Variants in RASD2 observed in about 807,000 individuals in gnomAD.
RASD2 encodes the protein RASD family member 2, also known as GTP-binding protein Rhes.
In RASD2, 7 loss-of-function variants were observed where a neutral mutation model predicts 15.8. The observed-to-expected ratio is 0.44, with a 90% CI of 0.25 to 0.83. The LOEUF is 0.83. RASD2 is among the 40% of genes least tolerant of loss of function. The pLI is 0.20. For synonymous variants in RASD2, 155 were observed against 153.6 expected (o/e 1.01, Z -0.07); for missense variants, 274 against 382.8 (o/e 0.72, Z 2.37).
At chr22:35,546,201 ACC>A (rs924968803) in intron 1 of RASD2, among the ~76,000 whole-genome samples, 1 of 152,020 alleles carries the variant, frequency 6.6e-6, no homozygotes, top group African/African-American at 2.4e-5. Context: ...TGCAGGAGCA[ACC>A]CCAGGCATTG....
At chr22:35,539,708 A>G (rs1280053899), upstream of RASD2, among the ~76,000 whole-genome samples, 1 of 152,198 alleles carries the variant, frequency 6.6e-6, no homozygotes, top group Non-Finnish European at 1.5e-5. Context: ...GGCAAGTGAT[A>G]CTGATTTCCC....
chr22:35,552,165 C>T lies in RASD2; in HGVS notation c.*133C>T. The T allele has an allele frequency of 1.6e-6, 2 of 1,215,146 alleles. No individual in the cohort carries two copies. 75.3% of individuals were successfully genotyped at this position (1,215,146 alleles called of 1,614,324 possible). A position where few individuals can be genotyped will look rare whatever the true frequency, so the allele number is the denominator to read the frequency against. On this transcript the variant is annotated 3_prime_UTR_variant, in exon 3 of 3. Transcript: ENST00000216127. ...ACCTTAGGCACCAGACTGGAGGCCC[C>T]CGGGCGCTGGCCTCCGCACATTCGT...
At chr22:35,538,554 A>G (rs1480672794), upstream of RASD2, among the ~76,000 whole-genome samples, 2 of 152,168 alleles carry the variant, frequency 1.3e-5, no homozygotes. Flanking sequence ...TTGCTTATTG[A>G]CTGAGCCCTA....
At chr22:35,540,236 C>T (rs1934306326), upstream of RASD2, among the ~76,000 whole-genome samples, 1 of 152,092 alleles carries the variant, frequency 6.6e-6, no homozygotes, top group South Asian at 2.1e-4. Flanking sequence ...ATGCGGGTCA[C>T]CTGCGGCCAG....
the RASD2 span, among the ~76,000 whole-genome samples, chr22:35,535,800 A>C: frequency 6.6e-6 from 1 of 151,392 alleles, no homozygotes; most frequent in Admixed American, 6.6e-5. Context: ...TGAGGGTCAG[A>C]GACGTTAAGT....
At chr22:35,535,269 T>A in the RASD2 span, among the ~76,000 whole-genome samples, 1 of 151,952 alleles carries the variant, frequency 6.6e-6, no homozygotes, top group African/African-American at 2.4e-5. Context: ...CCGGGTGTGA[T>A]GGTGCATGCC....
upstream of RASD2, among the ~76,000 whole-genome samples, chr22:35,536,322 G>A (rs941400063): frequency 6.0e-5 from 9 of 150,672 alleles, no homozygotes; most frequent in Non-Finnish European, 1.0e-4. Context: ...GCCACAAACC[G>A]TCTCTTTTTT....
chr22:35,552,134 T>C lies in RASD2; in HGVS notation c.*102T>C, dbSNP rs1934687769. The C allele has an allele frequency of 3.5e-6, 5 of 1,424,976 alleles. No individual in the cohort carries two copies. The South Asian group carries it at 6.9e-5, about 20-fold the overall frequency. 88.3% of individuals were successfully genotyped at this position (1,424,976 alleles called of 1,614,324 possible). On this transcript the variant is annotated 3_prime_UTR_variant, in exon 3 of 3. Transcript: ENST00000216127. ...ACCGAGGCCCCGGCAGCAGTCTTGT[T>C]CACAGACCTTAGGCACCAGACTGGA...
chr22:35,533,625 G>GTGGT, the RASD2 span, among the ~76,000 whole-genome samples: 4 of 4,952 alleles, frequency 8.1e-4, no homozygotes, highest in African/African-American at 4.2e-3. Flanking sequence ...GGTGATGATG[G>GTGGT]GAATGATGGT....
At position 35,553,187 on chromosome 22, in the gene RASD2, C is replaced by T. The variant is rs1210210031; in HGVS notation, c.*1155C>T. 1 of 152,254 alleles carries T rather than the reference C, an allele frequency of 6.6e-6. No individual in the cohort carries two copies. Among genetic ancestry groups the T allele is most frequent in the African/African-American group, 2.4e-5 (1 of 41,394 alleles). 9.4% of individuals were successfully genotyped at this position (152,254 alleles called of 1,614,324 possible). A position where few individuals can be genotyped will look rare whatever the true frequency, so the allele number is the denominator to read the frequency against. ...CTAGGAAACCAAGAGGGTCCCCAGT[C>T]CTGGCCTCTGCCCGCCCCTGCTGCC... On this transcript the variant is annotated 3_prime_UTR_variant, in exon 3 of 3. Coordinates refer to ENST00000216127, the MANE Select transcript of RASD2 (RefSeq NM_014310.4).
chr22:35,548,866 C>A (rs533390244), intron 2 of RASD2, among the ~76,000 whole-genome samples: 24 of 152,254 alleles, frequency 1.6e-4, no homozygotes, highest in Middle Eastern at 3.4e-3. Context: ...TAACCTCATA[C>A]CCCGCAGGGA....
chr22:35,546,403 C>T (rs981845962), intron 1 of RASD2, among the ~76,000 whole-genome samples: 3 of 152,132 alleles, frequency 2.0e-5, no homozygotes, highest in African/African-American at 7.2e-5. Flanking sequence ...ACCATAGATA[C>T]CATTTTTGAG....
rs796481509 is a variant in RASD2 at position 35,552,415 on chromosome 22, C to T, written c.*383C>T. Reference sequence around the variant, plus strand: ...TCAGGATGAAAAGGACACAGAAGGCCAGATGAGAAAGGTCTCCTCTCTCCT... The same window carrying T: ...TCAGGATGAAAAGGACACAGAAGGCTAGATGAGAAAGGTCTCCTCTCTCCT... On this transcript the variant is annotated 3_prime_UTR_variant, in exon 3 of 3. Coordinates refer to ENST00000216127, the MANE Select transcript of RASD2 (RefSeq NM_014310.4). 31 of 206,836 alleles carry T rather than the reference C, an allele frequency of 1.5e-4. No homozygotes were observed. The highest frequency in any genetic ancestry group is 6.9e-4 in the African/African-American group (30 of 43,394). 12.8% of individuals were successfully genotyped at this position (206,836 alleles called of 1,614,324 possible). A position where few individuals can be genotyped will look rare whatever the true frequency, so the allele number is the denominator to read the frequency against.
intron 1 of RASD2, among the ~76,000 whole-genome samples, chr22:35,543,840 C>T (rs1483396047): frequency 1.3e-5 from 2 of 151,922 alleles, no homozygotes; most frequent in Middle Eastern, 3.4e-3. Flanking sequence ...CTCTCTGACT[C>T]CCTGCCTCCT....
chr22:35,533,711 G>GATGCTGATGACA, the RASD2 span, among the ~76,000 whole-genome samples: 1 of 127,498 alleles, frequency 7.8e-6, no homozygotes. Context: ...TGGTGATGAT[G>GATGCTGATGACA]GTGATGGTGA....
chr22:35,546,748 G>T (rs1199001160), intron 1 of RASD2, 53 bp from the exon 2 acceptor site: 2 of 1,575,972 alleles, frequency 1.3e-6, no homozygotes, highest in Non-Finnish European at 1.7e-6. Flanking sequence ...GCCAAGAGGT[G>T]GTGGGGCCAG....
chr22:35,539,138 AG>A (rs1164447791), upstream of RASD2, among the ~76,000 whole-genome samples: 1 of 152,212 alleles, frequency 6.6e-6, no homozygotes, highest in Non-Finnish European at 1.5e-5. Context: ...AGACAAGCAA[AG>A]CAAGTCACTT....
rs1934514463 is a variant in RASD2 at position 35,546,801 on chromosome 22, C to T, written c.-9C>T. 1.9e-6 allele frequency: 3 copies of T among 1,612,152 alleles called. No individual in the cohort carries two copies. In the African/African-American group the frequency reaches 4.0e-5, roughly 21 times the overall value. Reference sequence around the variant, plus strand: ...GCCTGCTTCTCTCGCTTTGTTGCAGCCCCGAGCCATGATGAAGACTTTGTC... The same window carrying T: ...GCCTGCTTCTCTCGCTTTGTTGCAGTCCCGAGCCATGATGAAGACTTTGTC... On this transcript the variant is annotated splice_region_variant and 5_prime_UTR_variant, in exon 2 of 3. Transcript: ENST00000216127.
chr22:35,547,874 A>G (rs1934554304), intron 2 of RASD2, among the ~76,000 whole-genome samples: 2 of 152,200 alleles, frequency 1.3e-5, no homozygotes, highest in Admixed American at 1.3e-4. Context: ...TCAGCCTCCC[A>G]AAGTGCTGAG....
Sources: gnomAD v4.1 joint callset for allele counts (sites outside exome capture counted in the v4.1 genomes callset) on GRCh38, gnomAD v4.1.1 for gene constraint, MANE v1.5 for transcripts, NCBI Gene and HGNC (gene_info 2026-07-23, HGNC 2026-07-21) for gene names.